The following RICTOR variants were observed in gnomAD, a reference collection of about 807,000 sequenced individuals.
RICTOR encodes RPTOR independent companion of MTOR complex 2, also known as rapamycin-insensitive companion of mTOR.
Under a neutral mutation model 214.9 loss-of-function variants are expected in RICTOR, and 49 were observed. The observed-to-expected ratio is 0.23, with a 90% CI of 0.18 to 0.29. RICTOR has a LOEUF of 0.29. RICTOR is among the 10% of genes least tolerant of loss of function. RICTOR has a pLI of 1.00. For synonymous variants in RICTOR, 717 were observed against 711.3 expected, an observed-to-expected ratio of 1.01 and a Z score of -0.13; for missense variants, 1,625 against 2,047.0, an observed-to-expected ratio of 0.79 and a Z score of 3.98.
intron 2 of RICTOR, among the ~76,000 whole-genome samples, chr5:39,035,067 C>A (rs1300085469): frequency 2.0e-5 from 3 of 152,176 alleles, no homozygotes; most frequent in Admixed American, 2.0e-4. Flanking sequence ...CTGGGAGGCA[C>A]CCTCCAGCAG....
intron 31 of RICTOR, among the ~76,000 whole-genome samples, chr5:38,948,550 A>C (rs1471674335): frequency 2.6e-5 from 4 of 152,094 alleles, no homozygotes; most frequent in Non-Finnish European, 5.9e-5. Flanking sequence ...ATGTGAAAAA[A>C]TAATTTCTCT....
At chr5:39,014,765 C>T (rs1483243429) in intron 3 of RICTOR, among the ~76,000 whole-genome samples, 2 of 152,124 alleles carry the variant, frequency 1.3e-5, no homozygotes, top group South Asian at 2.1e-4. Flanking sequence ...GGGTGTGTGA[C>T]ATTCACATGG....
chr5:38,978,950 T>C (rs183318899), intron 8 of RICTOR, among the ~76,000 whole-genome samples: 1 of 152,330 alleles, frequency 6.6e-6, no homozygotes, highest in African/African-American at 2.4e-5. Flanking sequence ...AGCTCTATTA[T>C]ACCTTTGTAG....
chr5:38,949,527 C>A (rs932845481), intron 31 of RICTOR, 185 bp downstream of exon 31: 4 of 1,154,516 alleles, frequency 3.5e-6, no homozygotes, highest in South Asian at 1.5e-5. Context: ...TTTCTTCCCC[C>A]CTCGCAGCTG....
chr5:38,942,316 A>G lies in RICTOR; in HGVS notation c.5115T>C (p.Ser1705=). 6.3e-7 allele frequency: 1 copy of G among 1,591,376 alleles called. No homozygotes were observed. Among genetic ancestry groups the G allele is most frequent in the Non-Finnish European group, 8.6e-7 (1 of 1,162,814 alleles). Reference sequence around the variant, plus strand: ...CATAAATATGAGGTCAGGATTCAGCAGATGTATCAACTATAGGTTGCTTTG... The same window carrying G: ...CATAAATATGAGGTCAGGATTCAGCGGATGTATCAACTATAGGTTGCTTTG... ...TPPKQPIVDT[S]AES Residue 1705 remains serine (S), a synonymous_variant, in exon 38 of 38, where the codon TCT becomes TCC. Coordinates refer to ENST00000357387, the MANE Select transcript of RICTOR (RefSeq NM_152756.5).
chr5:39,062,637 C>T (rs1470805752), intron 2 of RICTOR, among the ~76,000 whole-genome samples: 1 of 152,102 alleles, frequency 6.6e-6, no homozygotes, highest in Non-Finnish European at 1.5e-5. Context: ...ACATCTAAAA[C>T]AGCTAAATAC....
intron 31 of RICTOR, among the ~76,000 whole-genome samples, chr5:38,949,091 T>C (rs890990879): frequency 2.6e-5 from 4 of 152,050 alleles, no homozygotes; most frequent in African/African-American, 7.2e-5. Context: ...ACAAAAATTA[T>C]AGGTACAAAA....
chr5:39,039,656 G>A (rs1308964378), intron 2 of RICTOR, among the ~76,000 whole-genome samples: 1 of 152,126 alleles, frequency 6.6e-6, no homozygotes, highest in African/African-American at 2.4e-5. Context: ...AGTGGGCAAA[G>A]GATATGAACA....
intron 2 of RICTOR, among the ~76,000 whole-genome samples, chr5:39,059,881 A>G (rs553550573): frequency 1.3e-5 from 2 of 152,242 alleles, no homozygotes; most frequent in East Asian, 3.9e-4. Context: ...TCAATCCTCA[A>G]ATAAGTGTTA....
intron 16 of RICTOR, 64 bp from the exon 17 acceptor site, chr5:38,963,105 G>A: frequency 4.1e-5 from 46 of 1,115,728 alleles, no homozygotes; most frequent in Middle Eastern, 2.1e-4. Context: ...AGATTACCTT[G>A]GTAAATTATT....
rs895301360 is a variant in RICTOR at position 38,938,160 on chromosome 5, A to G, written c.*4144T>C. ...CTTTTTCTTTCTATGTTACAGTTATACAATATAAATCAGATTTCAATGTCT... is the reference window on the plus strand; with the variant it reads ...CTTTTTCTTTCTATGTTACAGTTATGCAATATAAATCAGATTTCAATGTCT... On this transcript the variant is annotated 3_prime_UTR_variant, in exon 38 of 38. Coordinates refer to ENST00000357387, the MANE Select transcript of RICTOR (RefSeq NM_152756.5). 9.2e-6 allele frequency: 2 copies of G among 218,050 alleles called. No homozygotes were observed. The highest frequency in any genetic ancestry group is 4.5e-5 in the African/African-American group (2 of 44,602). The allele number at this position is 218,050 out of a possible 1,614,324, so 13.5% of individuals were successfully genotyped here.
chr5:39,042,375 ATC>A (rs531468718), intron 2 of RICTOR, among the ~76,000 whole-genome samples: 427 of 152,296 alleles, frequency 2.8e-3, no homozygotes, highest in Non-Finnish European at 5.3e-3. Context: ...TGCATGAATA[ATC>A]TCTTTTAATC....
chr5:39,027,847 A>T (rs548703475), intron 2 of RICTOR, among the ~76,000 whole-genome samples: 1 of 152,198 alleles, frequency 6.6e-6, no homozygotes, highest in Non-Finnish European at 1.5e-5. Context: ...TCAAAAGACT[A>T]TTAAGAAAAT....
intron 31 of RICTOR, among the ~76,000 whole-genome samples, chr5:38,948,307 G>A (rs1226283780): frequency 6.6e-6 from 1 of 152,078 alleles, no homozygotes; most frequent in Non-Finnish European, 1.5e-5. Flanking sequence ...CAAAAGAAAT[G>A]CTTTCTAAAT....
chr5:39,069,566 T>C (rs1322394253), intron 2 of RICTOR, among the ~76,000 whole-genome samples: 1 of 152,220 alleles, frequency 6.6e-6, no homozygotes, highest in Admixed American at 6.5e-5. Context: ...TCACACTGGA[T>C]GGGCAGCCTC....
intron 11 of RICTOR, chr5:38,970,120 A>G (rs1015374906): frequency 6.6e-6 from 1 of 152,238 alleles, no homozygotes; most frequent in African/African-American, 2.4e-5. Flanking sequence ...GCTATACCAC[A>G]TAACCTAGGT....
At chr5:38,963,453 G>A (rs1749962662) in intron 16 of RICTOR, among the ~76,000 whole-genome samples, 1 of 151,868 alleles carries the variant, frequency 6.6e-6, no homozygotes, top group African/African-American at 2.4e-5. Flanking sequence ...ACTCCCATAT[G>A]GATAATCAAT....
At chr5:39,005,733 G>A (rs1301249310) in intron 3 of RICTOR, among the ~76,000 whole-genome samples, 2 of 152,092 alleles carry the variant, frequency 1.3e-5, no homozygotes, top group Non-Finnish European at 2.9e-5. Context: ...AAGATTTGAT[G>A]GTGTTATCTG....
rs1747282074 is a variant in RICTOR, at chr5:38,939,335, T to TAC, written c.*2967_*2968dup. ...AAAGTTGTCATTTCAAAAGGACTTG[T>TAC]ACACATTATGTTAATAATGTATATA... On this transcript the variant is annotated 3_prime_UTR_variant, in exon 38 of 38. Transcript: ENST00000357387. 4.3e-6 allele frequency: 1 copy of TAC among 232,462 alleles called. No individual in the cohort carries two copies. The allele number at this position is 232,462 out of a possible 1,614,324, so 14.4% of individuals were successfully genotyped here.
Sources: gnomAD v4.1 joint callset for allele counts (sites outside exome capture counted in the v4.1 genomes callset) on GRCh38, gnomAD v4.1.1 for gene constraint, MANE v1.5 for transcripts, NCBI Gene and HGNC (gene_info 2026-07-23, HGNC 2026-07-21) for gene names.